Variants in COL28A1 observed in about 807,000 individuals in gnomAD.
The protein encoded by COL28A1 is collagen alpha-1(XXVIII) chain.
Under a neutral mutation model 150.2 loss-of-function variants are expected in COL28A1, and 161 were observed. The observed-to-expected ratio is 1.07, with a 90% CI of 0.94 to 1.22. COL28A1 has a LOEUF of 1.22. COL28A1 is among the 50% of genes most tolerant of loss of function. The probability of loss-of-function intolerance (pLI) is 0.00; values close to 1 mark genes in which losing one functional copy is unlikely to be tolerated. For missense variants in COL28A1, 1,617 were observed against 1,388.3 expected (o/e 1.16, Z -2.62); for synonymous variants, 552 against 469.7 (o/e 1.18, Z -2.26).
intron 27 of COL28A1, among the ~76,000 whole-genome samples, chr7:7,404,335 T>C (rs905135901): frequency 6.6e-6 from 1 of 151,552 alleles, no homozygotes; most frequent in African/African-American, 2.4e-5. Flanking sequence ...TTTCAAAGAG[T>C]AAGTCAGACC....
At chr7:7,403,902 C>T (rs534843907) in intron 27 of COL28A1, among the ~76,000 whole-genome samples, 440 of 152,134 alleles carry the variant, frequency 2.9e-3, no homozygotes, top group African/African-American at 8.9e-3. Flanking sequence ...CTTTTAGACA[C>T]AAGCCACTAG....
chr7:7,353,314 T>A (rs1040036642), downstream of COL28A1, among the ~76,000 whole-genome samples: 1 of 152,184 alleles, frequency 6.6e-6, no homozygotes, highest in African/African-American at 2.4e-5. Flanking sequence ...ATCTACATAA[T>A]TGGCTCTTGC....
At chr7:7,520,497 T>C (rs1781660009) in intron 5 of COL28A1, among the ~76,000 whole-genome samples, 1 of 152,208 alleles carries the variant, frequency 6.6e-6, no homozygotes, top group Non-Finnish European at 1.5e-5. Context: ...TACGATTCCC[T>C]CTGTCACTCA....
chr7:7,471,143 A>AAG (rs57457067), intron 15 of COL28A1, among the ~76,000 whole-genome samples: 6 of 148,046 alleles, frequency 4.1e-5, no homozygotes, highest in African/African-American at 1.5e-4. Flanking sequence ...AAAAAAAAAA[A>AAG]AGAAAAGATA....
chr7:7,372,874 A>T, intron 32 of COL28A1, 124 bp downstream of exon 32: 1 of 719,408 alleles, frequency 1.4e-6, no homozygotes, highest in South Asian at 1.8e-5. Flanking sequence ...ACGTGTTACC[A>T]TTTAATGTTG....
At chr7:7,490,433 G>A in intron 12 of COL28A1, 145 bp downstream of exon 12, 1 of 463,324 alleles carries the variant, frequency 2.2e-6, no homozygotes, top group African/African-American at 2.0e-5. Flanking sequence ...GCACATTTCT[G>A]TGTCCAAGCA....
intron 33 of COL28A1, among the ~76,000 whole-genome samples, chr7:7,364,800 A>T (rs191045221): frequency 2.6e-5 from 4 of 152,246 alleles, no homozygotes; most frequent in Non-Finnish European, 5.9e-5. Context: ...GATAAAAGAA[A>T]TTATCTTTTT....
At chr7:7,423,191 T>G (rs1346681316) in intron 25 of COL28A1, among the ~76,000 whole-genome samples, 1 of 152,178 alleles carries the variant, frequency 6.6e-6, no homozygotes, top group African/African-American at 2.4e-5. Flanking sequence ...TGTCTGAGGA[T>G]TGCTTCAGGA....
At chr7:7,390,442 C>T (rs1782471934) in intron 27 of COL28A1, among the ~76,000 whole-genome samples, 1 of 152,058 alleles carries the variant, frequency 6.6e-6, no homozygotes, top group Non-Finnish European at 1.5e-5. Flanking sequence ...GGAATATTGG[C>T]CTGAAATTTT....
intron 15 of COL28A1, among the ~76,000 whole-genome samples, chr7:7,462,310 G>C (rs575178073): frequency 1.3e-5 from 2 of 152,094 alleles, no homozygotes; most frequent in Non-Finnish European, 2.9e-5. Context: ...GTAATATGAC[G>C]AAACAAGGTT....
At chr7:7,399,797 A>C (rs909433156) in intron 27 of COL28A1, among the ~76,000 whole-genome samples, 4 of 152,210 alleles carry the variant, frequency 2.6e-5, no homozygotes, top group African/African-American at 9.6e-5. Context: ...CTGTCATCTG[A>C]GACAGTTAAA....
downstream of COL28A1, among the ~76,000 whole-genome samples, chr7:7,354,020 G>GA (rs200274362): frequency 6.8e-5 from 10 of 146,704 alleles, no homozygotes; most frequent in South Asian, 2.2e-3. Flanking sequence ...AGATAAAGGA[G>GA]AAAAAAAAAT....
chr7:7,370,284 T>G (rs116079689), intron 33 of COL28A1, among the ~76,000 whole-genome samples: 5 of 151,518 alleles, frequency 3.3e-5, no homozygotes, highest in African/African-American at 7.3e-5. Context: ...TGTGGGAGAG[T>G]GGCCAGTTGG....
intron 27 of COL28A1, among the ~76,000 whole-genome samples, chr7:7,416,236 C>T (rs570593962): frequency 2.6e-5 from 4 of 152,290 alleles, no homozygotes; most frequent in African/African-American, 9.6e-5. Context: ...TTGGTGCTTT[C>T]CTGTGATGGG....
At chr7:7,499,640 G>A (rs747169362) in intron 11 of COL28A1, among the ~76,000 whole-genome samples, 5 of 152,134 alleles carry the variant, frequency 3.3e-5, no homozygotes, top group South Asian at 4.1e-4. Flanking sequence ...ATGATGTTAG[G>A]AAATTGTTAG....
At chr7:7,436,197 T>C (rs1785329323) in intron 23 of COL28A1, among the ~76,000 whole-genome samples, 198 bp downstream of exon 23, 1 of 152,178 alleles carries the variant, frequency 6.6e-6, no homozygotes, top group East Asian at 1.9e-4. Context: ...AATTTAACCA[T>C]AAGAGCTACT....
rs762622005 is a variant in COL28A1, at chr7:7,417,945, G to T, written c.2068-18C>A. The T allele has an allele frequency of 1.3e-6, 2 of 1,591,598 alleles. No homozygotes were observed. Among genetic ancestry groups the T allele is most frequent in the East Asian group, 4.5e-5 (2 of 44,664 alleles). Reference sequence around the variant, plus strand: ...GTATCACCCTGTTAGAAGATGGGGAGAATTTGAAGACAAAATGTAAGAAGA... The same window carrying T: ...GTATCACCCTGTTAGAAGATGGGGATAATTTGAAGACAAAATGTAAGAAGA... On this transcript the variant is annotated intron_variant, in intron 26 of 34. Coordinates refer to ENST00000399429, the MANE Select transcript of COL28A1 (RefSeq NM_001037763.3).
chr7:7,507,040 C>A, intron 10 of COL28A1, 77 bp downstream of exon 10: 1 of 769,564 alleles, frequency 1.3e-6, no homozygotes, highest in South Asian at 1.6e-5. Flanking sequence ...GCAGAGGGTG[C>A]AAGTGGGCAA....
In COL28A1 at chr7:7,532,926, G is replaced by A. The variant is rs1383740991; in HGVS notation, c.-37-14C>T. On this transcript the variant is annotated splice_polypyrimidine_tract_variant and intron_variant, in intron 1 of 34. Transcript: ENST00000399429. ...GTCTTGTAGCACCTTTAATAGAAAA[G>A]TCAGTTACAAATACTTTAATAAAAT... 3 of 1,507,832 alleles carry A rather than the reference G, an allele frequency of 2.0e-6. No individual in the cohort carries two copies. Among genetic ancestry groups the A allele is most frequent in the South Asian group, 1.4e-5 (1 of 72,716 alleles). The allele number at this position is 1,507,832 out of a possible 1,614,324, so 93.4% of individuals were successfully genotyped here.
Sources: allele counts gnomAD v4.1 joint callset (sites outside exome capture counted in the v4.1 genomes callset), GRCh38; gene constraint gnomAD v4.1.1; transcripts MANE v1.5; gene names NCBI Gene and HGNC (gene_info 2026-07-23, HGNC 2026-07-21).